Variants in CLIP2 observed in about 807,000 individuals in gnomAD.
CLIP2 encodes CAP-Gly domain containing linker protein 2.
A neutral mutation model predicts 111.7 loss-of-function variants in CLIP2; 41 were observed. The observed-to-expected ratio is 0.37, with a 90% CI of 0.29 to 0.48. The LOEUF is 0.48. CLIP2 is among the 20% of genes least tolerant of loss of function. The pLI, the probability that CLIP2 is intolerant of heterozygous loss-of-function variation, is 0.99. For missense variants in CLIP2, 1,160 were observed against 1,422.1 expected, an observed-to-expected ratio of 0.82 and a Z score of 2.96; for synonymous variants, 660 against 644.2, an observed-to-expected ratio of 1.02 and a Z score of -0.37.
chr7:74,365,662 G>A (rs1445846294), intron 8 of CLIP2, among the ~76,000 whole-genome samples: 1 of 152,172 alleles, frequency 6.6e-6, no homozygotes, highest in Non-Finnish European at 1.5e-5. Context: ...AATTCCCCAT[G>A]CAACGTTTTA....
At chr7:74,316,601 G>T (rs549054972) in intron 1 of CLIP2, among the ~76,000 whole-genome samples, 3 of 146,502 alleles carry the variant, frequency 2.0e-5, no homozygotes, top group East Asian at 4.0e-4. Flanking sequence ...TCACTCTGTT[G>T]TCCAGGCTGG....
chr7:74,353,376 G>A (rs532388185), intron 3 of CLIP2, among the ~76,000 whole-genome samples: 2 of 151,296 alleles, frequency 1.3e-5, no homozygotes, highest in Admixed American at 6.6e-5. Flanking sequence ...TCAGCCTCCC[G>A]AGTAACTGGG....
At chr7:74,309,938 C>G (rs1554728242) in intron 1 of CLIP2, among the ~76,000 whole-genome samples, 3 of 149,536 alleles carry the variant, frequency 2.0e-5, no homozygotes, top group African/African-American at 7.5e-5. Context: ...GTGGCTCATA[C>G]CTTTAATCCC....
intron 2 of CLIP2, among the ~76,000 whole-genome samples, chr7:74,336,274 G>C (rs1302112486): frequency 6.6e-6 from 1 of 151,824 alleles, no homozygotes; most frequent in African/African-American, 2.4e-5. Flanking sequence ...CCCCATGTTG[G>C]CCAGGCTGGT....
At chr7:74,347,491 A>G (rs1789831488) in intron 3 of CLIP2, among the ~76,000 whole-genome samples, 1 of 152,068 alleles carries the variant, frequency 6.6e-6, no homozygotes, top group Admixed American at 6.6e-5. Flanking sequence ...GCTGGTCTCG[A>G]TCTCCTGACC....
intron 12 of CLIP2, 122 bp from the exon 13 acceptor site, chr7:74,388,981 T>C: frequency 8.4e-7 from 1 of 1,184,144 alleles, no homozygotes. Flanking sequence ...AACTATGCAG[T>C]GGGGTATGTC....
intron 8 of CLIP2, among the ~76,000 whole-genome samples, chr7:74,368,667 C>T (rs1554311298): frequency 6.6e-6 from 1 of 152,166 alleles, no homozygotes; most frequent in East Asian, 1.9e-4. Flanking sequence ...ATGGATAGCC[C>T]TCTCCTTCGT....
At chr7:74,373,100 T>C in intron 9 of CLIP2, 64 bp downstream of exon 9, 1 of 925,488 alleles carries the variant, frequency 1.1e-6, no homozygotes, top group South Asian at 1.5e-5. Context: ...CCCCTCTGGC[T>C]TCTCTGTTTC....
At chr7:74,401,932 G>A (rs534394995) in intron 16 of CLIP2, among the ~76,000 whole-genome samples, 31 of 151,514 alleles carry the variant, frequency 2.0e-4, no homozygotes, top group African/African-American at 7.5e-4. Context: ...GGGTAGGGTG[G>A]ACAATATAGC....
chr7:74,327,446 C>T (rs1437821864), intron 2 of CLIP2, among the ~76,000 whole-genome samples: 7 of 152,188 alleles, frequency 4.6e-5, no homozygotes, highest in East Asian at 1.9e-4. Flanking sequence ...CCCTGTACCC[C>T]GTGAGTGTTC....
chr7:74,345,121 GC>G, intron 3 of CLIP2, among the ~76,000 whole-genome samples: 1 of 152,154 alleles, frequency 6.6e-6, no homozygotes, highest in Non-Finnish European at 1.5e-5. Flanking sequence ...CATGTGCCAG[GC>G]ACATGTAGTT....
chr7:74,318,084 G>C (rs1486329481), intron 2 of CLIP2, among the ~76,000 whole-genome samples: 5 of 151,930 alleles, frequency 3.3e-5, no homozygotes, highest in Non-Finnish European at 7.4e-5. Flanking sequence ...TGTAATCCCA[G>C]CTACTCGAGA....
At chr7:74,395,892 C>A (rs191696715) in intron 13 of CLIP2, among the ~76,000 whole-genome samples, 4 of 152,166 alleles carry the variant, frequency 2.6e-5, no homozygotes, top group Non-Finnish European at 5.9e-5. Context: ...GTGCCAACAC[C>A]TTTGCAGTGC....
rs1193416402 is a variant in CLIP2 at position 74,404,096 on chromosome 7, G to T, written c.*248G>T. The T allele has an allele frequency of 3.9e-6, 2 of 510,556 alleles. No homozygotes were observed. The highest frequency in any genetic ancestry group is 3.9e-5 in the African/African-American group (2 of 51,904). The allele number at this position is 510,556 out of a possible 1,614,324, so 31.6% of individuals were successfully genotyped here. A position where few individuals can be genotyped will look rare whatever the true frequency, so the allele number is the denominator to read the frequency against. ...CCCCGGCCTGACCCGGGGACCTTCA[G>T]CCTGGACACCCGGCAGCTTCTGGAG... On this transcript the variant is annotated 3_prime_UTR_variant, in exon 17 of 17. Transcript: ENST00000223398.
At chr7:74,368,981 G>A (rs1238697791) in intron 8 of CLIP2, among the ~76,000 whole-genome samples, 1 of 152,218 alleles carries the variant, frequency 6.6e-6, no homozygotes, top group Non-Finnish European at 1.5e-5. Flanking sequence ...GGAGGGAGAG[G>A]TGGGAGGGTG....
At chr7:74,393,261 C>G (rs1377760144) in intron 13 of CLIP2, among the ~76,000 whole-genome samples, 6 of 152,000 alleles carry the variant, frequency 3.9e-5, no homozygotes, top group African/African-American at 1.4e-4. Flanking sequence ...CTCCTAACCT[C>G]AAGTGATCTG....
chr7:74,358,244 T>C (rs1554308956), intron 6 of CLIP2, among the ~76,000 whole-genome samples: 1 of 151,596 alleles, frequency 6.6e-6, no homozygotes, highest in African/African-American at 2.4e-5. Context: ...AGAGATGGGG[T>C]TTCACCCTGT....
chr7:74,402,735 A>C (rs1315419462), intron 16 of CLIP2, among the ~76,000 whole-genome samples: 1 of 152,176 alleles, frequency 6.6e-6, no homozygotes, highest in African/African-American at 2.4e-5. Flanking sequence ...CTGACTGCAG[A>C]ATCCCTGGAG....
Position 74,338,548 on chromosome 7 carries a change from C to G in CLIP2, c.222C>G (p.Asp74Glu). 1 of 1,596,502 alleles carries G rather than the reference C, an allele frequency of 6.3e-7. No individual in the cohort carries two copies. The highest frequency in any genetic ancestry group is 8.5e-7 in the Non-Finnish European group (1 of 1,172,658). The stretch of plus-strand genomic sequence containing the variant: ...CCAAGGCGGCGGAAGTGGGGGATGA[C>G]TTCCTGGGGGACTTTGTGGTGGGCG... The part of the protein sequence containing the change: ...PGPKAAEVGD[D>E]FLGDFVVGER... The change falls in exon 3 of 17, where the codon GAC becomes GAG. Residue 74 changes from aspartate (D) to glutamate (E), a missense_variant. Asp to Glu is a conservative substitution (Grantham distance 45). Transcript: ENST00000223398. The surrounding 1 kb of genome is among the most constrained non-coding windows in gnomAD (Gnocchi z 4.3).
Sources: gnomAD v4.1 joint callset for allele counts (sites outside exome capture counted in the v4.1 genomes callset) on GRCh38, gnomAD v4.1.1 for gene constraint, Gnocchi (gnomAD v3.1) non-coding constraint, MANE v1.5 for transcripts, NCBI Gene and HGNC (gene_info 2026-07-23, HGNC 2026-07-21) for gene names.